Variants in PRICKLE2 observed in about 807,000 individuals in gnomAD.
The protein encoded by PRICKLE2 is prickle-like protein 2.
Under a neutral mutation model 81.4 loss-of-function variants are expected in PRICKLE2, and 21 were observed. The ratio of observed to expected loss-of-function variants is 0.26; its 90% CI spans 0.18 to 0.37. PRICKLE2 has a LOEUF of 0.37. Ranked by LOEUF, PRICKLE2 falls within the 10% of genes least tolerant of loss-of-function variation. The pLI is 1.00. For synonymous variants in PRICKLE2, 456 were observed against 421.5 expected, an observed-to-expected ratio of 1.08 and a Z score of -1.00; for missense variants, 940 against 1,109.0, an observed-to-expected ratio of 0.85 and a Z score of 2.16.
chr3:64,247,009 A>G (rs370002676), intron 2 of PRICKLE2, among the ~76,000 whole-genome samples: 3 of 152,288 alleles, frequency 2.0e-5, no homozygotes, highest in African/African-American at 7.2e-5. Context: ...ATCGAAGTCC[A>G]TTTTGTAAAA....
intron 2 of PRICKLE2, among the ~76,000 whole-genome samples, chr3:64,188,529 G>C (rs1283359583): frequency 6.6e-6 from 1 of 152,206 alleles, no homozygotes; most frequent in African/African-American, 2.4e-5. Flanking sequence ...GGTGATACTA[G>C]TGCTACTGGT....
At chr3:64,136,179 A>C (rs560046425) in intron 7 of PRICKLE2, among the ~76,000 whole-genome samples, 4 of 152,222 alleles carry the variant, frequency 2.6e-5, no homozygotes, top group African/African-American at 7.2e-5. Context: ...GATATAATCC[A>C]CTTTTTCTTT....
intron 2 of PRICKLE2, among the ~76,000 whole-genome samples, chr3:64,255,561 T>G (rs1253176020): frequency 6.6e-6 from 1 of 152,152 alleles, no homozygotes; most frequent in Non-Finnish European, 1.5e-5. Context: ...AGCCTGGAGT[T>G]AAGCAGGCCT....
intron 7 of PRICKLE2, among the ~76,000 whole-genome samples, chr3:64,134,101 T>C (rs538949545): frequency 6.6e-6 from 1 of 152,312 alleles, no homozygotes; most frequent in East Asian, 1.9e-4. Context: ...TCCACGCATG[T>C]TACCCCACAC....
rs184344876 is a variant in PRICKLE2 at position 64,234,643 on chromosome 3, A to G, written c.129-35676T>C. Among the ~76,000 whole-genome samples the G allele has an allele frequency of 3.1e-4, 47 of 152,254 alleles. 1 individual carries two copies. Among genetic ancestry groups the G allele is most frequent in the African/African-American group, 1.1e-3 (47 of 41,558 alleles). Reference sequence around the variant, plus strand: ...TTTCTTGATAGTGTCTTTGAAGCATAAAGATTTCTAATTTTGATAAAGTTC... The same window carrying G: ...TTTCTTGATAGTGTCTTTGAAGCATGAAGATTTCTAATTTTGATAAAGTTC... On this transcript the variant is annotated intron_variant, in intron 2 of 8. Coordinates refer to the PRICKLE2 transcript ENST00000295902.
chr3:64,199,813 TAAAAA>T (rs1393215745), intron 1 of PRICKLE2: 2 of 151,972 alleles, frequency 1.3e-5, no homozygotes, highest in African/African-American at 2.4e-5. Flanking sequence ...ACCAATAAAA[TAAAAA>T]GAGAGAAAAA....
intron 1 of PRICKLE2, 200 bp from the exon 2 acceptor site, chr3:64,199,167 G>C: frequency 1.6e-6 from 1 of 621,564 alleles, no homozygotes; most frequent in Non-Finnish European, 2.8e-6. Flanking sequence ...AAAACAGCAT[G>C]AAAGGTCAGA....
At chr3:64,200,628 T>G (rs28844663) in intron 1 of PRICKLE2, 15,004 of 151,868 alleles carry the variant, frequency 0.099, 1,691 homozygotes, top group African/African-American at 0.28. Flanking sequence ...GGCTTTTTTT[T>G]TTTCTGAGAC....
At chr3:64,208,092 G>A (rs970690002) in intron 1 of PRICKLE2, among the ~76,000 whole-genome samples, 22 of 152,096 alleles carry the variant, frequency 1.4e-4, no homozygotes, top group Admixed American at 7.2e-4. Flanking sequence ...TAACACCTCC[G>A]TCAGGTTTTA....
chr3:64,217,825 C>A (rs758156596), intron 1 of PRICKLE2, among the ~76,000 whole-genome samples: 1 of 152,172 alleles, frequency 6.6e-6, no homozygotes. Flanking sequence ...ATTTGACATA[C>A]TAATCATATG....
At chr3:64,243,016 C>T (rs1239705105) in intron 2 of PRICKLE2, among the ~76,000 whole-genome samples, 1 of 152,140 alleles carries the variant, frequency 6.6e-6, no homozygotes, top group Non-Finnish European at 1.5e-5. Flanking sequence ...CAAAGAAAAA[C>T]AGAAAGTGAG....
chr3:64,191,523 G>A (rs1012308984), intron 2 of PRICKLE2, among the ~76,000 whole-genome samples: 2 of 152,168 alleles, frequency 1.3e-5, no homozygotes, highest in Non-Finnish European at 2.9e-5. Flanking sequence ...TCTTGGGCAA[G>A]TTATTTAACT....
chr3:64,256,011 CAT>C (rs1438204230), intron 2 of PRICKLE2, among the ~76,000 whole-genome samples: 2 of 152,176 alleles, frequency 1.3e-5, no homozygotes, highest in Admixed American at 6.5e-5. Flanking sequence ...GTCTCTGTGA[CAT>C]AGTGAAGCTG....
intron 1 of PRICKLE2, among the ~76,000 whole-genome samples, chr3:64,207,207 C>A (rs2078702565): frequency 6.6e-6 from 1 of 152,146 alleles, no homozygotes; most frequent in East Asian, 1.9e-4. Flanking sequence ...GCTCTCTTTT[C>A]ATTCTTAATA....
chr3:64,174,759 T>C, intron 2 of PRICKLE2: 1 of 214,978 alleles, frequency 4.7e-6, no homozygotes, highest in South Asian at 8.5e-5. Flanking sequence ...ATGTGAACTG[T>C]GAAGTTGTTG....
chr3:64,142,313 C>CTTTTTTT (rs397936636), intron 7 of PRICKLE2, among the ~76,000 whole-genome samples: 1 of 132,768 alleles, frequency 7.5e-6, no homozygotes, highest in Non-Finnish European at 1.6e-5. Context: ...TTCTTTCTTT[C>CTTTTTTT]TTTTTTTTTT....
chr3:64,155,999 A>T (rs979498216), intron 5 of PRICKLE2, among the ~76,000 whole-genome samples: 1 of 152,244 alleles, frequency 6.6e-6, no homozygotes, highest in Non-Finnish European at 1.5e-5. Context: ...TTACTTTAAA[A>T]GGGTCCTTAA....
At chr3:64,190,014 C>T (rs919434638) in intron 2 of PRICKLE2, among the ~76,000 whole-genome samples, 1 of 152,194 alleles carries the variant, frequency 6.6e-6, no homozygotes, top group Non-Finnish European at 1.5e-5. Context: ...GGGCTCCATT[C>T]GTGTCTCCCC....
intron 7 of PRICKLE2, among the ~76,000 whole-genome samples, chr3:64,131,965 A>G (rs1277514305): frequency 1.3e-5 from 2 of 152,222 alleles, no homozygotes; most frequent in Non-Finnish European, 2.9e-5. Flanking sequence ...CACTCCAAAT[A>G]TAGCTCTTTC....
Sources: gnomAD v4.1 joint callset for allele counts (sites outside exome capture counted in the v4.1 genomes callset) on GRCh38, gnomAD v4.1.1 for gene constraint, MANE v1.5 for transcripts, NCBI Gene and HGNC (gene_info 2026-07-23, HGNC 2026-07-21) for gene names.